The following PEAK1 variants were observed in gnomAD, a reference collection of about 807,000 sequenced individuals.
The protein encoded by PEAK1 is pseudopodium enriched atypical kinase 1.
In PEAK1, 54 loss-of-function variants were observed where a neutral mutation model predicts 124.7. The ratio of observed to expected loss-of-function variants is 0.43; its 90% confidence interval spans 0.35 to 0.54. PEAK1 has a LOEUF of 0.54. Among genes scored for constraint, PEAK1 ranks in the 20% least tolerant of loss-of-function variants. The pLI, the probability that PEAK1 is intolerant of heterozygous loss-of-function variation, is 0.01. For missense variants in PEAK1, 2,046 were observed against 2,134.5 expected (o/e 0.96, Z 0.82); for synonymous variants, 719 against 760.0 (o/e 0.95, Z 0.89).
chr15:77,386,892 G>A (rs1179258181), intron 1 of PEAK1, among the ~76,000 whole-genome samples: 2 of 151,960 alleles, frequency 1.3e-5, no homozygotes, highest in Non-Finnish European at 2.9e-5. Context: ...GAAATATACT[G>A]GAAATCAGCA....
intron 9 of PEAK1, among the ~76,000 whole-genome samples, chr15:77,124,540 A>C (rs2052208594): frequency 6.6e-6 from 1 of 152,212 alleles, no homozygotes; most frequent in Admixed American, 6.5e-5. Flanking sequence ...CATACTCACC[A>C]GACATGGTCT....
intron 2 of PEAK1, among the ~76,000 whole-genome samples, chr15:77,307,240 T>G (rs1409569761): frequency 6.6e-6 from 1 of 152,108 alleles, no homozygotes; most frequent in African/African-American, 2.4e-5. Context: ...TCACAGCTTA[T>G]TTGGACCTTA....
intron 1 of PEAK1, among the ~76,000 whole-genome samples, chr15:77,398,853 A>G (rs1400300694): frequency 6.6e-6 from 1 of 152,212 alleles, no homozygotes; most frequent in African/African-American, 2.4e-5. Context: ...ATGATCTTAT[A>G]TTTGGATAAA....
At chr15:77,380,615 A>C (rs1239892399) in intron 1 of PEAK1, among the ~76,000 whole-genome samples, 1 of 152,144 alleles carries the variant, frequency 6.6e-6, no homozygotes, top group East Asian at 1.9e-4. Flanking sequence ...AGTAGCTGGG[A>C]CCACAGGCAT....
intron 6 of PEAK1, among the ~76,000 whole-genome samples, chr15:77,195,624 T>C (rs1161472022): frequency 6.6e-6 from 1 of 152,182 alleles, no homozygotes; most frequent in African/African-American, 2.4e-5. Flanking sequence ...CTTAGATGCA[T>C]GCTGAATTCC....
intron 2 of PEAK1, chr15:77,348,715 G>A: frequency 1.8e-5 from 18 of 985,020 alleles, no homozygotes; most frequent in Non-Finnish European, 2.0e-5. Context: ...GAAAACCCAA[G>A]GCACCAAAGT....
chr15:77,182,308 C>T (rs972410960), intron 6 of PEAK1, among the ~76,000 whole-genome samples: 1 of 152,106 alleles, frequency 6.6e-6, no homozygotes, highest in Non-Finnish European at 1.5e-5. Flanking sequence ...CTGTGACCTT[C>T]CCTCCCAGAA....
intron 6 of PEAK1, among the ~76,000 whole-genome samples, chr15:77,197,591 C>A (rs1487677742): frequency 6.6e-6 from 1 of 152,078 alleles, no homozygotes; most frequent in Non-Finnish European, 1.5e-5. Flanking sequence ...GATACAGCAT[C>A]TAGCAGAGAA....
intron 6 of PEAK1, among the ~76,000 whole-genome samples, chr15:77,217,403 G>A (rs1390813227): frequency 6.6e-6 from 1 of 151,988 alleles, no homozygotes; most frequent in Non-Finnish European, 1.5e-5. Flanking sequence ...CTTTCTGGAG[G>A]GCAAAAGAAT....
At chr15:77,286,217 G>GGTCTCA (rs2062923763) in intron 3 of PEAK1, among the ~76,000 whole-genome samples, 1 of 152,102 alleles carries the variant, frequency 6.6e-6, no homozygotes, top group South Asian at 2.1e-4. Context: ...ATTGCACTGT[G>GGTCTCA]GTCTCAGAGA....
At chr15:77,334,612 C>A (rs371270675) in intron 2 of PEAK1, 3 of 985,246 alleles carry the variant, frequency 3.0e-6, no homozygotes, top group Non-Finnish European at 3.6e-6. Flanking sequence ...CCTACAATTA[C>A]GAAAAGTCCA....
intron 2 of PEAK1, chr15:77,348,504 T>A: frequency 2.1e-6 from 2 of 962,116 alleles, no homozygotes; most frequent in Non-Finnish European, 2.5e-6. Context: ...TCAAGTTGAA[T>A]ATACAGGCCA....
intron 6 of PEAK1, among the ~76,000 whole-genome samples, chr15:77,248,276 A>G (rs1207899257): frequency 6.6e-6 from 1 of 152,204 alleles, no homozygotes; most frequent in Non-Finnish European, 1.5e-5. Flanking sequence ...ACCACTAAAT[A>G]GTCATTTGAT....
intron 6 of PEAK1, among the ~76,000 whole-genome samples, chr15:77,196,387 A>G (rs1012317567): frequency 2.0e-5 from 3 of 152,230 alleles, no homozygotes; most frequent in Middle Eastern, 3.2e-3. Context: ...CTTAGAAGTC[A>G]TTAGTTTTCT....
intron 2 of PEAK1, among the ~76,000 whole-genome samples, chr15:77,329,298 A>G (rs1270141516): frequency 6.6e-6 from 1 of 152,180 alleles, no homozygotes. Context: ...TCTAACTAAT[A>G]TTACAGGACT....
intron 2 of PEAK1, among the ~76,000 whole-genome samples, chr15:77,362,304 T>A (rs1019480432): frequency 2.0e-5 from 3 of 151,712 alleles, no homozygotes; most frequent in African/African-American, 7.3e-5. Flanking sequence ...TACTAAAACA[T>A]CACTATGTAC....
In PEAK1 at chr15:77,307,251, G is replaced by A. The variant is rs965121977; in HGVS notation, c.-602-20747C>T. Among the ~76,000 whole-genome samples, 6 of 152,162 alleles carry A rather than the reference G, an allele frequency of 3.9e-5. No individual in the cohort carries two copies. In the South Asian group the frequency reaches 6.2e-4, roughly 16 times the overall value. ...TGTATCACAGCTTATTTGGACCTTA[G>A]CTTCTCTATGTGTAAAATGAGGGGA... On this transcript the variant is annotated intron_variant, in intron 2 of 9. Transcript: ENST00000682557.
chr15:77,229,587 C>T (rs1596737677), intron 6 of PEAK1, among the ~76,000 whole-genome samples: 1 of 152,032 alleles, frequency 6.6e-6, no homozygotes, highest in African/African-American at 2.4e-5. Flanking sequence ...CCAGAGGTAT[C>T]TGATTCCTGA....
rs374955010 is a variant in PEAK1, at chr15:77,205,275, T to TA, written c.-114-23236dup. 1.2e-3 allele frequency among the ~76,000 whole-genome samples: 176 copies of TA among 143,436 alleles called. 1 individual carries two copies. In the South Asian group the frequency reaches 0.014, roughly 11 times the overall value. The allele number at this position is 143,436 out of a possible 152,430, so 94.1% of individuals were successfully genotyped here. ...TTTTTTAAGATCAAATGCCTTTTTTTAAAAAAAAAAAAAAAGAAGTTAAAT... is the reference window on the plus strand; with the variant it reads ...TTTTTTAAGATCAAATGCCTTTTTTTAAAAAAAAAAAAAAAAGAAGTTAAAT... On this transcript the variant is annotated intron_variant, in intron 6 of 9. Coordinates refer to ENST00000682557, the MANE Select transcript of PEAK1 (RefSeq NM_001385026.1).
Sources: allele counts gnomAD v4.1 joint callset (sites outside exome capture counted in the v4.1 genomes callset), GRCh38; gene constraint gnomAD v4.1.1; transcripts MANE v1.5; gene names NCBI Gene and HGNC (gene_info 2026-07-23, HGNC 2026-07-21).